Variants in ARL5B observed in about 807,000 individuals in gnomAD.
ARL5B encodes the protein ADP-ribosylation factor-like protein 5B.
A neutral mutation model predicts 26.9 loss-of-function variants in ARL5B; 10 were observed. That is an observed-to-expected ratio of 0.37 (90% CI 0.23 to 0.63). ARL5B has a LOEUF of 0.63. ARL5B is among the 30% of genes least tolerant of loss of function. The pLI is 0.62. For synonymous variants in ARL5B, 87 were observed against 70.4 expected (o/e 1.24, Z -1.18); for missense variants, 167 against 213.9 (o/e 0.78, Z 1.37).
Position 18,659,584 on chromosome 10 carries a change from C to A in ARL5B, c.-54C>A. On this transcript the variant is annotated 5_prime_UTR_variant, in exon 1 of 6. Transcript: ENST00000377275. Reference sequence around the variant, plus strand: ...GCAGCCCGCGCCGCGGTGGGGGACCCGGCGCAGCGGCACCTGCTGCCGAGG... The same window carrying A: ...GCAGCCCGCGCCGCGGTGGGGGACCAGGCGCAGCGGCACCTGCTGCCGAGG... 1 of 1,563,644 alleles carries A rather than the reference C, an allele frequency of 6.4e-7. No homozygotes were observed. Among genetic ancestry groups the A allele is most frequent in the East Asian group, 2.4e-5 (1 of 41,806 alleles).
At chr10:18,672,963 C>T (rs950262342) in intron 4 of ARL5B, among the ~76,000 whole-genome samples, 1 of 152,028 alleles carries the variant, frequency 6.6e-6, no homozygotes, top group Non-Finnish European at 1.5e-5. Context: ...CTTAAGCATG[C>T]CTTTAAAAGT....
Position 18,674,153 on chromosome 10 carries a change from A to AG in ARL5B, c.491+22dup. On this transcript the variant is annotated intron_variant, in intron 5 of 5. Transcript: ENST00000377275. ...GGAGAAGGGTAAGTTCATCCGTCTG[A>AG]GGGGAGGTATGACTTCTTTCAAATT... is the stretch of plus-strand genomic sequence containing the variant. The AG allele has an allele frequency of 6.3e-7, 1 of 1,593,178 alleles. No homozygotes were observed. Among genetic ancestry groups the AG allele is most frequent in the Non-Finnish European group, 8.5e-7 (1 of 1,170,496 alleles).
At chr10:18,667,696 AATAT>A (rs150786260) in intron 2 of ARL5B, among the ~76,000 whole-genome samples, 11 of 149,186 alleles carry the variant, frequency 7.4e-5, no homozygotes, top group African/African-American at 2.2e-4. Context: ...CAGTATTCTA[AATAT>A]ATATATATAT....
intron 2 of ARL5B, among the ~76,000 whole-genome samples, chr10:18,667,928 T>C (rs2059868972): frequency 1.3e-5 from 2 of 152,110 alleles, no homozygotes; most frequent in South Asian, 4.1e-4. Flanking sequence ...TTGGTCAGGA[T>C]GGTCTCAAGT....
Position 18,659,446 on chromosome 10 carries a change from A to T in ARL5B, c.-192A>T, listed in dbSNP as rs1433814237. On this transcript the variant is annotated 5_prime_UTR_variant, in exon 1 of 6. Coordinates refer to ENST00000377275, the MANE Select transcript of ARL5B (RefSeq NM_178815.5). Reference sequence around the variant, plus strand: ...CGTTGGGCTCAGTGGGCTCGAAACAAAGGGCTGTCCGGTGGGGATTCGTCG... The same window carrying T: ...CGTTGGGCTCAGTGGGCTCGAAACATAGGGCTGTCCGGTGGGGATTCGTCG... 4 of 686,212 alleles carry T rather than the reference A, an allele frequency of 5.8e-6. No individual in the cohort carries two copies. Among genetic ancestry groups the T allele is most frequent in the Non-Finnish European group, 9.1e-6 (4 of 437,880 alleles). 42.5% of individuals were successfully genotyped at this position (686,212 alleles called of 1,614,324 possible). A position where few individuals can be genotyped will look rare whatever the true frequency, so the allele number is the denominator to read the frequency against.
chr10:18,668,760 T>G, intron 3 of ARL5B, 83 bp downstream of exon 3: 1 of 1,362,246 alleles, frequency 7.3e-7, no homozygotes, highest in South Asian at 1.5e-5. Flanking sequence ...CTGGGCGTAT[T>G]GACAGTTGCC....
Position 18,659,652 on chromosome 10 carries a change from C to T in ARL5B, c.15C>T (p.Phe5=), listed in dbSNP as rs199726601. The change falls in exon 1 of 6, where the codon TTC becomes TTT. Residue 5 remains phenylalanine (F), a synonymous_variant. Coordinates refer to ENST00000377275, the MANE Select transcript of ARL5B (RefSeq NM_178815.5). The part of the protein sequence containing the change: MGLI[F]AKLWSLFCNQ... ...CGGTGCTCGTGATGGGGCTGATCTTCGCCAAACTGTGGAGCCTCTTCTGTA... is the reference window on the plus strand; with the variant it reads ...CGGTGCTCGTGATGGGGCTGATCTTTGCCAAACTGTGGAGCCTCTTCTGTA... The T allele has an allele frequency of 8.1e-6, 13 of 1,613,192 alleles. No homozygotes were observed. Among genetic ancestry groups the T allele is most frequent in the Non-Finnish European group, 1.0e-5 (12 of 1,179,738 alleles).
chr10:18,661,070 A>G (rs2059833292), intron 1 of ARL5B, among the ~76,000 whole-genome samples: 1 of 152,144 alleles, frequency 6.6e-6, no homozygotes, highest in African/African-American at 2.4e-5. Context: ...GCTGGTCTCG[A>G]CCTTCTGACT....
Position 18,659,528 on chromosome 10 carries a change from G to A in ARL5B, c.-110G>A. On this transcript the variant is annotated 5_prime_UTR_variant, in exon 1 of 6. Coordinates refer to ENST00000377275, the MANE Select transcript of ARL5B (RefSeq NM_178815.5). ...CTCGGCCTAGCAGTGCCCTCGCTGC[G>A]CGATCTCAGGCGGGTTCTCCTCGGC... The A allele has an allele frequency of 7.3e-7, 1 of 1,377,466 alleles. No individual in the cohort carries two copies. The allele number at this position is 1,377,466 out of a possible 1,614,324, so 85.3% of individuals were successfully genotyped here.
chr10:18,671,875 C>T (rs1257724407), intron 3 of ARL5B, among the ~76,000 whole-genome samples: 1 of 152,130 alleles, frequency 6.6e-6, no homozygotes, highest in East Asian at 1.9e-4. Flanking sequence ...TAGTCTCAAA[C>T]TCCTGGGCTC....
intron 2 of ARL5B, among the ~76,000 whole-genome samples, chr10:18,667,907 G>T (rs763895604): frequency 6.6e-6 from 1 of 152,016 alleles, no homozygotes; most frequent in Non-Finnish European, 1.5e-5. Flanking sequence ...TAGAGACGAG[G>T]CTTCACCATG....
At chr10:18,665,495 C>T (rs2059857504) in intron 1 of ARL5B, among the ~76,000 whole-genome samples, 1 of 152,070 alleles carries the variant, frequency 6.6e-6, no homozygotes, top group Non-Finnish European at 1.5e-5. Flanking sequence ...CATTGGAAGA[C>T]CTGCACATCT....
chr10:18,661,776 C>G (rs975786334), intron 1 of ARL5B, among the ~76,000 whole-genome samples: 1 of 152,176 alleles, frequency 6.6e-6, no homozygotes, highest in East Asian at 1.9e-4. Context: ...GCATGCTAGA[C>G]AGACCGAATA....
rs1301083741 is a variant in ARL5B at position 18,677,556 on chromosome 10, C to A, written c.*2340C>A. ...TTTTTTAGGTTTTCACTCAATCTTT[C>A]CTGTCACAGTAACGTGAAAACTGAT... On this transcript the variant is annotated 3_prime_UTR_variant, in exon 6 of 6. Transcript: ENST00000377275. The A allele has an allele frequency of 6.6e-6, 1 of 152,114 alleles. No individual in the cohort carries two copies. The highest frequency in any genetic ancestry group is 1.9e-4 in the East Asian group (1 of 5,174). 9.4% of individuals were successfully genotyped at this position (152,114 alleles called of 1,614,324 possible). A position where few individuals can be genotyped will look rare whatever the true frequency, so the allele number is the denominator to read the frequency against.
At chr10:18,667,859 C>T (rs759113998) in intron 2 of ARL5B, among the ~76,000 whole-genome samples, 2 of 152,014 alleles carry the variant, frequency 1.3e-5, no homozygotes, top group Non-Finnish European at 2.9e-5. Context: ...GGATTACAAG[C>T]GCCCACCACC....
In ARL5B at chr10:18,666,649, TTTA is replaced by T; in HGVS notation, c.107+18_107+20del. On this transcript the variant is annotated intron_variant, in intron 2 of 5. Coordinates refer to ENST00000377275, the MANE Select transcript of ARL5B (RefSeq NM_178815.5). ...TCTTTACCAATTGTAAGTATGGGTG[TTTA>T]TTAAACAGTTTTCACTAGTTATTGA... The T allele has an allele frequency of 6.3e-7, 1 of 1,589,224 alleles. No individual in the cohort carries two copies. The highest frequency in any genetic ancestry group is 2.3e-5 in the East Asian group (1 of 44,400).
intron 1 of ARL5B, among the ~76,000 whole-genome samples, chr10:18,664,579 A>G (rs1007907226): frequency 1.3e-5 from 2 of 151,492 alleles, no homozygotes; most frequent in South Asian, 4.2e-4. Context: ...CTGGGACTAC[A>G]GGCACCCGCC....
chr10:18,660,061 CTTTTTTTT>C (rs547976951), intron 1 of ARL5B, among the ~76,000 whole-genome samples: 1 of 146,352 alleles, frequency 6.8e-6, no homozygotes, highest in Non-Finnish European at 1.5e-5. Flanking sequence ...AAACCTAGAA[CTTTTTTTT>C]TTTTGAGTAA....
intron 1 of ARL5B, 67 bp downstream of exon 1, chr10:18,659,750 C>T: frequency 6.3e-7 from 1 of 1,588,020 alleles, no homozygotes; most frequent in Non-Finnish European, 8.6e-7. Flanking sequence ...GATGGGGACA[C>T]CGGAGACAGG....
Sources: gnomAD v4.1 joint callset for allele counts (sites outside exome capture counted in the v4.1 genomes callset) on GRCh38, gnomAD v4.1.1 for gene constraint, MANE v1.5 for transcripts, NCBI Gene and HGNC (gene_info 2026-07-23, HGNC 2026-07-21) for gene names.